The following PARD3B variants were observed in gnomAD, a reference collection of about 807,000 sequenced individuals.
PARD3B encodes the protein partitioning defective 3 homolog B.
In PARD3B, 103 loss-of-function variants were observed where a neutral mutation model predicts 130.2. The ratio of observed to expected loss-of-function variants is 0.79; its 90% CI spans 0.67 to 0.93. The LOEUF (loss-of-function observed/expected upper bound fraction) is 0.93. Among genes scored for constraint, PARD3B ranks in the 40% least tolerant of loss-of-function variants. The pLI is 0.00. For missense variants in PARD3B, 1,609 were observed against 1,499.2 expected, an observed-to-expected ratio of 1.07 and a Z score of -1.21; for synonymous variants, 583 against 553.2, an observed-to-expected ratio of 1.05 and a Z score of -0.76.
Position 205,440,410 on chromosome 2 carries a change from A to C in PARD3B, c.2782A>C (p.Arg928=). ...KHQELREKQA[R]GLLDYATGAI... ...TCAGGAGCTAAGGGAAAAGCAGGCA[A>C]GAGGTCTTCTTGATTATGCTACTGG... is the stretch of plus-strand genomic sequence containing the variant. The change falls in exon 20 of 23, where the codon AGA becomes CGA. Residue 928 remains arginine (R), a synonymous_variant. Transcript: ENST00000406610. This position sits in a 1 kb window ranked among gnomAD's most constrained non-coding sequence, Gnocchi z 4.2. 1.2e-6 allele frequency: 2 copies of C among 1,613,944 alleles called. No individual in the cohort carries two copies. Among genetic ancestry groups the C allele is most frequent in the Non-Finnish European group, 1.7e-6 (2 of 1,179,820 alleles).
intron 22 of PARD3B, among the ~76,000 whole-genome samples, chr2:205,603,654 AGAAACCAGAATT>A (rs1379138829): frequency 6.6e-6 from 1 of 152,126 alleles, no homozygotes. Flanking sequence ...CTGTTTTGTC[AGAAACCAGAATT>A]GCAACCCCTG....
intron 13 of PARD3B, among the ~76,000 whole-genome samples, chr2:205,185,118 A>G (rs1185563598): frequency 4.6e-5 from 7 of 152,214 alleles, no homozygotes; most frequent in Non-Finnish European, 1.0e-4. Context: ...GTCTATTCTT[A>G]TAGTACAGAA....
At chr2:204,647,954 G>A (rs2035330931) in intron 1 of PARD3B, among the ~76,000 whole-genome samples, 1 of 151,338 alleles carries the variant, frequency 6.6e-6, no homozygotes, top group Admixed American at 6.6e-5. Flanking sequence ...TATATATTAT[G>A]AATATTATAA....
chr2:204,869,473 A>G (rs946456545), intron 2 of PARD3B, among the ~76,000 whole-genome samples: 3 of 152,128 alleles, frequency 2.0e-5, no homozygotes, highest in Admixed American at 6.6e-5. Context: ...AGCTTATTAG[A>G]CCACTGACAA....
intron 2 of PARD3B, among the ~76,000 whole-genome samples, chr2:204,739,811 G>A (rs777025468): frequency 1.8e-4 from 27 of 151,526 alleles, no homozygotes; most frequent in African/African-American, 3.6e-4. Context: ...TATTTTTATC[G>A]GAAAAAAATT....
chr2:205,491,836 G>A (rs1027379137), intron 20 of PARD3B, among the ~76,000 whole-genome samples: 6 of 152,188 alleles, frequency 3.9e-5, no homozygotes, highest in African/African-American at 1.4e-4. Context: ...GGTGAGGTCG[G>A]GAGCCCAGAT....
At chr2:205,606,292 G>T (rs2054995083) in intron 22 of PARD3B, among the ~76,000 whole-genome samples, 1 of 152,146 alleles carries the variant, frequency 6.6e-6, no homozygotes, top group African/African-American at 2.4e-5. Context: ...CGGAACCATG[G>T]GAAAAGCATG....
At chr2:205,255,197 CTT>C (rs1325669297) in intron 16 of PARD3B, among the ~76,000 whole-genome samples, 1 of 150,884 alleles carries the variant, frequency 6.6e-6, no homozygotes, top group Middle Eastern at 3.2e-3. Flanking sequence ...CAGGCTCTCT[CTT>C]GGTGCCCAGG....
chr2:205,264,386 TATC>T (rs940328786), intron 16 of PARD3B, among the ~76,000 whole-genome samples: 4 of 151,190 alleles, frequency 2.6e-5, no homozygotes, highest in African/African-American at 9.7e-5. Flanking sequence ...TTTTTGCTAT[TATC>T]ATGTTCAGTG....
chr2:204,563,214 GCTGTCTCTCT>G (rs1277564180), intron 1 of PARD3B, among the ~76,000 whole-genome samples: 1 of 55,022 alleles, frequency 1.8e-5, no homozygotes, highest in African/African-American at 5.8e-5. Context: ...CCGTCTTCCC[GCTGTCTCTCT>G]CTCTCTCTCT....
At position 205,382,413 on chromosome 2, in the gene PARD3B, A is replaced by G. The variant is rs1185487971; in HGVS notation, c.2631-18600A>G. Among the ~76,000 whole-genome samples the G allele has an allele frequency of 4.6e-5, 7 of 152,114 alleles. No homozygotes were observed. In the East Asian group the frequency reaches 5.8e-4, roughly 13 times the overall value. On this transcript the variant is annotated intron_variant, in intron 18 of 22. Transcript: ENST00000406610. ...GTACATGATGTTGATGTATCTTATA[A>G]CTAGTGATGTTCATCTTGATCATTT...
At chr2:205,186,680 T>C (rs2036119985) in intron 14 of PARD3B, among the ~76,000 whole-genome samples, 1 of 152,112 alleles carries the variant, frequency 6.6e-6, no homozygotes, top group Non-Finnish European at 1.5e-5. Context: ...CTGTATTAGG[T>C]GGAAGCTCAC....
At chr2:204,952,296 T>C (rs1689842908) in intron 2 of PARD3B, among the ~76,000 whole-genome samples, 1 of 152,158 alleles carries the variant, frequency 6.6e-6, no homozygotes, top group South Asian at 2.1e-4. Context: ...AGAATATGAA[T>C]GTGTGATTTA....
intron 16 of PARD3B, among the ~76,000 whole-genome samples, chr2:205,256,333 G>T (rs1170055884): frequency 6.6e-6 from 1 of 152,032 alleles, no homozygotes; most frequent in African/African-American, 2.4e-5. Flanking sequence ...TAGTAAGCTA[G>T]TATTTATTGA....
At chr2:205,483,054 G>A (rs898472243) in intron 20 of PARD3B, among the ~76,000 whole-genome samples, 1 of 152,078 alleles carries the variant, frequency 6.6e-6, no homozygotes, top group African/African-American at 2.4e-5. Flanking sequence ...TGTAAATCTC[G>A]GTTCATTGTG....
At chr2:205,583,455 T>G (rs527652011) in intron 22 of PARD3B, among the ~76,000 whole-genome samples, 539 of 151,960 alleles carry the variant, frequency 3.5e-3, no homozygotes, top group Non-Finnish European at 6.4e-3. Flanking sequence ...CTACTCTGGA[T>G]TGCCTTGAGA....
At chr2:205,511,141 ACTC>A (rs67615197) in intron 21 of PARD3B, among the ~76,000 whole-genome samples, 142,018 of 152,140 alleles carry the variant, frequency 0.93, 67,063 homozygotes, top group East Asian at 1. Context: ...TTGAATTATC[ACTC>A]CTCTTAATTT....
At chr2:205,064,198 T>A (rs1046111391) in intron 4 of PARD3B, among the ~76,000 whole-genome samples, 30 of 152,208 alleles carry the variant, frequency 2.0e-4, no homozygotes, top group African/African-American at 6.5e-4. Context: ...GGGACTTTTT[T>A]ATTTTTTTAT....
In PARD3B at chr2:204,764,848, A is replaced by C. The variant is rs10191581; in HGVS notation, c.222+78566A>C. Among the ~76,000 whole-genome samples the C allele has an allele frequency of 1.9e-3, 291 of 152,072 alleles. 2 individuals carry two copies. The highest frequency in any genetic ancestry group is 6.8e-3 in the African/African-American group (282 of 41,490). ...TTATATAAACCTCATATTTAAATTC[A>C]TTCCTTCCCTCCTCCCTCCTGCGCT... On this transcript the variant is annotated intron_variant, in intron 2 of 22. Coordinates refer to ENST00000406610, the MANE Select transcript of PARD3B (RefSeq NM_001302769.2).
Sources: allele counts gnomAD v4.1 joint callset (sites outside exome capture counted in the v4.1 genomes callset), GRCh38; gene constraint gnomAD v4.1.1; non-coding constraint Gnocchi (gnomAD v3.1); transcripts MANE v1.5; gene names NCBI Gene and HGNC (gene_info 2026-07-23, HGNC 2026-07-21).